RAB40B: variants seen among roughly 807,000 people sequenced by gnomAD.
The protein encoded by RAB40B is ras-related protein Rab-40B.
RAB40B carries 21 observed loss-of-function variants against 24.0 expected under a neutral mutation model. The observed-to-expected ratio is 0.88, with a 90% CI of 0.62 to 1.26. RAB40B has a LOEUF of 1.26. Among genes scored for constraint, RAB40B ranks in the 50% most tolerant of loss-of-function variants. The pLI is 0.00. For missense variants in RAB40B, 348 were observed against 390.5 expected, an observed-to-expected ratio of 0.89 and a Z score of 0.92; for synonymous variants, 167 against 169.8, an observed-to-expected ratio of 0.98 and a Z score of 0.13.
chr17:82,686,741 G>T (rs1011283193), intron 1 of RAB40B, among the ~76,000 whole-genome samples: 2 of 152,196 alleles, frequency 1.3e-5, no homozygotes, highest in African/African-American at 4.8e-5. Context: ...GTTTCAATTT[G>T]TCCAAAAGCC....
At position 82,663,782 on chromosome 17, in the gene RAB40B, A is replaced by C. The variant is rs1028298476; in HGVS notation, c.203+714T>G. ...CCCCGGGCTGCCTCAACCACGCTGC[A>C]TCGGTCCCCTCTTGGCATCTTCCCA... On this transcript the variant is annotated intron_variant, in intron 2 of 5. Coordinates refer to ENST00000571995, the MANE Select transcript of RAB40B (RefSeq NM_006822.3). This position sits in a 1 kb window ranked among gnomAD's most constrained non-coding sequence, Gnocchi z 6.2. Among the ~76,000 whole-genome samples, 2 of 152,148 alleles carry C rather than the reference A, an allele frequency of 1.3e-5. No homozygotes were observed. The highest frequency in any genetic ancestry group is 2.4e-5 in the African/African-American group (1 of 41,434).
At chr17:82,662,466 G>A (rs1215245322) in intron 2 of RAB40B, 7 of 985,328 alleles carry the variant, frequency 7.1e-6, no homozygotes, top group East Asian at 1.1e-4. Flanking sequence ...CTCCTGGGCC[G>A]CTGCCACCCT....
rs956270535 is a variant in RAB40B, at chr17:82,655,956, T to C, written c.*1907A>G. Reference sequence around the variant, plus strand: ...TCTAGGGTCCCTTAAATTTCTTTTTTTTTTTTTTTTTTAGATGGAGTTTCA... The same window carrying C: ...TCTAGGGTCCCTTAAATTTCTTTTTCTTTTTTTTTTTTAGATGGAGTTTCA... On this transcript the variant is annotated 3_prime_UTR_variant, in exon 6 of 6. Coordinates refer to ENST00000571995, the MANE Select transcript of RAB40B (RefSeq NM_006822.3). 2 of 151,194 alleles carry C rather than the reference T, an allele frequency of 1.3e-5. No individual in the cohort carries two copies. The highest frequency in any genetic ancestry group is 3.0e-5 in the Non-Finnish European group (2 of 67,774). 9.4% of individuals were successfully genotyped at this position (151,194 alleles called of 1,614,324 possible).
At chr17:82,688,540 C>T (rs1182190303) in intron 1 of RAB40B, among the ~76,000 whole-genome samples, 2 of 151,846 alleles carry the variant, frequency 1.3e-5, no homozygotes, top group Non-Finnish European at 2.9e-5. Flanking sequence ...TGCTTGAAGC[C>T]GGGAGGCGGA....
At chr17:82,684,113 C>T (rs1444538842) in intron 1 of RAB40B, among the ~76,000 whole-genome samples, 5 of 150,262 alleles carry the variant, frequency 3.3e-5, no homozygotes, top group South Asian at 2.1e-4. Context: ...CCCAGCTACT[C>T]GGGAGGCTGA....
rs1437424760 is a variant in RAB40B, at chr17:82,655,968, T to C, written c.*1895A>G. 2 of 138,824 alleles carry C rather than the reference T, an allele frequency of 1.4e-5. No homozygotes were observed. Among genetic ancestry groups the C allele is most frequent in the Non-Finnish European group, 3.2e-5 (2 of 63,460 alleles). 8.6% of individuals were successfully genotyped at this position (138,824 alleles called of 1,614,324 possible). A position where few individuals can be genotyped will look rare whatever the true frequency, so the allele number is the denominator to read the frequency against. On this transcript the variant is annotated 3_prime_UTR_variant, in exon 6 of 6. Coordinates refer to ENST00000571995, the MANE Select transcript of RAB40B (RefSeq NM_006822.3). ...TAAATTTCTTTTTTTTTTTTTTTTT[T>C]AGATGGAGTTTCACTTGTCGCCCAG...
At chr17:82,677,056 C>A (rs545139891) in intron 1 of RAB40B, among the ~76,000 whole-genome samples, 1 of 152,090 alleles carries the variant, frequency 6.6e-6, no homozygotes, top group African/African-American at 2.4e-5. Flanking sequence ...TCAAGCAATT[C>A]TCCTGCCTCA....
chr17:82,661,972 C>G (rs1289937564), intron 2 of RAB40B: 49 of 985,234 alleles, frequency 5.0e-5, no homozygotes, highest in Non-Finnish European at 5.7e-5. Flanking sequence ...GGAGGCGGCC[C>G]TGGGACAGCC....
chr17:82,678,894 T>C (rs2143521898), intron 1 of RAB40B, among the ~76,000 whole-genome samples: 1 of 146,560 alleles, frequency 6.8e-6, no homozygotes, highest in African/African-American at 2.5e-5. Flanking sequence ...TTTTTTTTTT[T>C]TTTTTTGAGA....
chr17:82,669,548 G>T (rs1285556274), intron 1 of RAB40B, among the ~76,000 whole-genome samples: 6 of 152,184 alleles, frequency 3.9e-5, no homozygotes, highest in Non-Finnish European at 8.8e-5. Context: ...AGCTTCTCAG[G>T]AGGCTGAGGT....
chr17:82,684,796 C>T (rs143505052), intron 1 of RAB40B, among the ~76,000 whole-genome samples: 238 of 152,214 alleles, frequency 1.6e-3, no homozygotes, highest in African/African-American at 5.4e-3. Flanking sequence ...ACCGTGATGG[C>T]GGTCACACCA....
chr17:82,677,786 C>T (rs2046409767), intron 1 of RAB40B, among the ~76,000 whole-genome samples: 1 of 152,184 alleles, frequency 6.6e-6, no homozygotes. Flanking sequence ...GCCCTCTGAC[C>T]CCAGATGAGG....
chr17:82,698,267 G>C (rs932853012), intron 1 of RAB40B, among the ~76,000 whole-genome samples, 188 bp downstream of exon 1: 1 of 151,506 alleles, frequency 6.6e-6, no homozygotes, highest in Non-Finnish European at 1.5e-5. Flanking sequence ...CGCGAACCGC[G>C]CTCCTCCTCA....
chr17:82,690,034 A>G (rs1404322551), intron 1 of RAB40B, among the ~76,000 whole-genome samples: 1 of 152,070 alleles, frequency 6.6e-6, no homozygotes, highest in African/African-American at 2.4e-5. Flanking sequence ...AAGAAGCAGG[A>G]TAAAATATGA....
At chr17:82,689,690 C>G (rs1170059419) in intron 1 of RAB40B, among the ~76,000 whole-genome samples, 2 of 152,146 alleles carry the variant, frequency 1.3e-5, no homozygotes, top group African/African-American at 4.8e-5. Flanking sequence ...AGAAAACTGG[C>G]CGGGCACGTG....
intron 1 of RAB40B, among the ~76,000 whole-genome samples, chr17:82,695,483 C>T (rs2046600037): frequency 6.6e-6 from 1 of 151,200 alleles, no homozygotes; most frequent in African/African-American, 2.5e-5. Flanking sequence ...AGCCACTGCG[C>T]CCGGCTGCCC....
At position 82,657,912 on chromosome 17, in the gene RAB40B, G is replaced by T. The variant is rs34189304; in HGVS notation, c.788C>A (p.Pro263His). The change falls in exon 6 of 6, where the codon CCC (proline) becomes CAC (histidine). Residue 263 changes from proline to histidine, a missense_variant. Physicochemically the swap from Pro to His is moderately conservative, Grantham distance 77 (BLOSUM62 -2). Transcript: ENST00000571995. ...SLRKVKLVRP[P>H]QSPPKNCTRN... ...GGTGCAGTTTTTGGGGGGGCTCTGG[G>T]GGGGGCGGACGAGCTTCACTTTGCG... 8.7e-6 allele frequency: 14 copies of T among 1,612,578 alleles called. No homozygotes were observed. In the East Asian group the frequency reaches 1.8e-4, roughly 21 times the overall value.
chr17:82,697,985 G>A lies in RAB40B; in HGVS notation c.142+470C>T, dbSNP rs1360206161. 1.3e-5 allele frequency among the ~76,000 whole-genome samples: 2 copies of A among 151,788 alleles called. No individual in the cohort carries two copies. The highest frequency in any genetic ancestry group is 2.9e-5 in the Non-Finnish European group (2 of 67,920). On this transcript the variant is annotated intron_variant, in intron 1 of 5. Transcript: ENST00000571995. This position sits in a 1 kb window ranked among gnomAD's most constrained non-coding sequence, Gnocchi z 4.9. ...CAGCACCTGGGCGCCTGCTCGCCGCGCTCCGCCCCAGGAGCCCCGGAGCTC... is the reference window on the plus strand; with the variant it reads ...CAGCACCTGGGCGCCTGCTCGCCGCACTCCGCCCCAGGAGCCCCGGAGCTC...
At position 82,694,957 on chromosome 17, in the gene RAB40B, G is replaced by A. The variant is rs72634338; in HGVS notation, c.142+3498C>T. On this transcript the variant is annotated intron_variant, in intron 1 of 5. Coordinates refer to ENST00000571995, the MANE Select transcript of RAB40B (RefSeq NM_006822.3). ...GATAATGAAATCTAGGTGATTAAGA[G>A]GGACAGCACAATGAACAGAGACATA... Among the ~76,000 whole-genome samples the A allele has an allele frequency of 3.2e-3, 488 of 151,918 alleles. 24 individuals are homozygous for A. The East Asian group carries it at 0.086, about 27-fold the overall frequency.
Sources: allele counts gnomAD v4.1 joint callset (sites outside exome capture counted in the v4.1 genomes callset), GRCh38; gene constraint gnomAD v4.1.1; non-coding constraint Gnocchi (gnomAD v3.1); transcripts MANE v1.5; gene names NCBI Gene and HGNC (gene_info 2026-07-23, HGNC 2026-07-21).